The following ABI3BP variants were observed in gnomAD, a reference collection of about 807,000 sequenced individuals.
ABI3BP encodes target of Nesh-SH3.
In ABI3BP, 216 loss-of-function variants were observed where a neutral mutation model predicts 268.6. The ratio of observed to expected loss-of-function variants is 0.80; its 90% CI spans 0.72 to 0.90. The LOEUF is 0.90. Among genes scored for constraint, ABI3BP ranks in the 40% least tolerant of loss-of-function variants. The probability of loss-of-function intolerance (pLI) is 0.00; values close to 1 mark genes in which losing one functional copy is unlikely to be tolerated. For missense variants in ABI3BP, 2,090 were observed against 2,182.4 expected (o/e 0.96, Z 0.84); for synonymous variants, 730 against 730.0 (o/e 1.00, Z 0.00).
At chr3:100,911,959 T>C in intron 2 of ABI3BP, 1 of 936,702 alleles carries the variant, frequency 1.1e-6, no homozygotes, top group Non-Finnish European at 1.8e-6. Flanking sequence ...TTTACTTCAC[T>C]TGAGGAATTA....
In ABI3BP at chr3:100,841,194, C is replaced by CTTTTTTTTTTTTTTTTTTT. The variant is rs60261694; in HGVS notation, c.1766-355_1766-337dup. Among the ~76,000 whole-genome samples, 46 of 39,630 alleles carry CTTTTTTTTTTTTTTTTTTT rather than the reference C, an allele frequency of 1.2e-3. 5 individuals carry two copies. The highest frequency in any genetic ancestry group is 1.5e-3 in the Non-Finnish European group (34 of 23,312). 26.0% of individuals were successfully genotyped at this position (39,630 alleles called of 152,430 possible). A position where few individuals can be genotyped will look rare whatever the true frequency, so the allele number is the denominator to read the frequency against. On this transcript the variant is annotated intron_variant, in intron 21 of 67. Coordinates refer to ENST00000471714, the MANE Select transcript of ABI3BP (RefSeq NM_001375547.2). ...AATTGGCTAAGATGGCATTAGAACA[C>CTTTTTTTTTTTTTTTTTTT]TTTTTTTTTTTTTTTTTTTTTTTTT...
chr3:100,946,430 A>G (rs2072357186), intron 1 of ABI3BP, among the ~76,000 whole-genome samples: 1 of 152,002 alleles, frequency 6.6e-6, no homozygotes, highest in Non-Finnish European at 1.5e-5. Context: ...GTGATTCCAA[A>G]TTTATCCAGA....
intron 9 of ABI3BP, among the ~76,000 whole-genome samples, chr3:100,873,649 GGTTAT>G (rs1309116110): frequency 3.9e-5 from 6 of 152,068 alleles, no homozygotes; most frequent in Non-Finnish European, 8.8e-5. Flanking sequence ...AAAATATTTG[GGTTAT>G]ATCTTATTTA....
rs1251913171 is a variant in ABI3BP at position 100,813,707 on chromosome 3, C to T, written c.3318G>A (p.Leu1106=). Residue 1106 remains leucine (L), a synonymous_variant, in exon 45 of 68, where the codon TTG becomes TTA. Coordinates refer to ENST00000471714, the MANE Select transcript of ABI3BP (RefSeq NM_001375547.2). ...FALTELQTLI[L]KPVTSPSLEM... ...CTAGGCTTGGTGATGTCACTGGTTT[C>T]AAAATAAGAGTTTGCAGTTCAGTCA... is the stretch of plus-strand genomic sequence containing the variant. 1 of 1,535,148 alleles carries T rather than the reference C, an allele frequency of 6.5e-7. No individual in the cohort carries two copies. Among genetic ancestry groups the T allele is most frequent in the Non-Finnish European group, 8.7e-7 (1 of 1,146,426 alleles).
intron 14 of ABI3BP, among the ~76,000 whole-genome samples, chr3:100,854,561 T>C (rs1490114648): frequency 6.6e-6 from 1 of 152,238 alleles, no homozygotes; most frequent in Non-Finnish European, 1.5e-5. Context: ...AGCCAAGAGT[T>C]AAGGGTGAAC....
chr3:100,855,977 T>C (rs2098935285), intron 14 of ABI3BP, among the ~76,000 whole-genome samples: 2 of 152,204 alleles, frequency 1.3e-5, no homozygotes, highest in South Asian at 4.1e-4. Flanking sequence ...GAAATAAAAT[T>C]AAAGGCTGAA....
At position 100,850,639 on chromosome 3, in the gene ABI3BP, T is replaced by C. The variant is rs768507415; in HGVS notation, c.1426+21A>G. The C allele has an allele frequency of 5.1e-6, 8 of 1,578,046 alleles. No individual in the cohort carries two copies. The East Asian group carries it at 1.1e-4, about 22-fold the overall frequency. On this transcript the variant is annotated intron_variant, in intron 16 of 67. Transcript: ENST00000471714. The stretch of plus-strand genomic sequence containing the variant: ...TTTTTTGATGGAAAATAAAGTATGA[T>C]TTTTCTGTTAAAAACATTACCCAGT...
At chr3:100,865,409 C>T (rs1204349827) in intron 10 of ABI3BP, among the ~76,000 whole-genome samples, 1 of 152,110 alleles carries the variant, frequency 6.6e-6, no homozygotes, top group Non-Finnish European at 1.5e-5. Context: ...AATGAATATG[C>T]AAAGCTTGAA....
intron 55 of ABI3BP, among the ~76,000 whole-genome samples, chr3:100,792,316 AAGG>A (rs2097218233): frequency 6.6e-6 from 1 of 150,462 alleles, no homozygotes. Context: ...GAGAGAAGAG[AAGG>A]AGGAGGACCA....
At chr3:100,855,281 A>T (rs1480872342) in intron 14 of ABI3BP, among the ~76,000 whole-genome samples, 1 of 152,210 alleles carries the variant, frequency 6.6e-6, no homozygotes. Context: ...AACTGACTAG[A>T]TGCAAAGCCC....
At chr3:100,911,759 G>A (rs540289926) in intron 2 of ABI3BP, 46 of 989,668 alleles carry the variant, frequency 4.6e-5, no homozygotes, top group African/African-American at 1.6e-4. Context: ...GATGAGTAGC[G>A]TAGCTTTCTG....
intron 33 of ABI3BP, 61 bp from the exon 34 acceptor site, chr3:100,828,513 A>G: frequency 7.1e-7 from 1 of 1,413,878 alleles, no homozygotes; most frequent in South Asian, 1.3e-5. Flanking sequence ...AAAAACTCAG[A>G]ACATTCAAAA....
intron 1 of ABI3BP, among the ~76,000 whole-genome samples, chr3:100,939,918 C>T (rs1252332639): frequency 6.6e-6 from 1 of 152,050 alleles, no homozygotes; most frequent in Non-Finnish European, 1.5e-5. Flanking sequence ...CCCCCAGGCG[C>T]ATATTCTCTT....
At chr3:100,869,194 G>A (rs2099082637) in intron 9 of ABI3BP, among the ~76,000 whole-genome samples, 1 of 151,792 alleles carries the variant, frequency 6.6e-6, no homozygotes, top group African/African-American at 2.4e-5. Context: ...GTTCTTAGCT[G>A]GCAATCACAT....
intron 1 of ABI3BP, among the ~76,000 whole-genome samples, chr3:100,943,343 A>C (rs1367185198): frequency 6.6e-6 from 1 of 151,868 alleles, no homozygotes; most frequent in Non-Finnish European, 1.5e-5. Context: ...AGTACTCTTC[A>C]CCCCCAAACA....
At chr3:100,787,900 T>A in intron 56 of ABI3BP, 98 bp from the exon 57 acceptor site, 1 of 797,932 alleles carries the variant, frequency 1.3e-6, no homozygotes, top group Admixed American at 3.5e-5. Flanking sequence ...ATTTAGGCAA[T>A]AAAAAAGATG....
In ABI3BP at chr3:100,812,485, A is replaced by G; in HGVS notation, c.3403T>C (p.Ser1135Pro). The G allele has an allele frequency of 7.5e-7, 1 of 1,327,888 alleles. No individual in the cohort carries two copies. The highest frequency in any genetic ancestry group is 9.6e-7 in the Non-Finnish European group (1 of 1,040,510). The allele number at this position is 1,327,888 out of a possible 1,614,324, so 82.3% of individuals were successfully genotyped here. ...TTTTTACCTATGGTCTCCTTTGGTG[A>G]CTCAGTACTAAGTGTAACCGATTCC... is the stretch of plus-strand genomic sequence containing the variant. Reference protein sequence around the residue: ...VLESVTLSTESPKETIAPAKT... With the variant: ...VLESVTLSTEPPKETIAPAKT... Residue 1135 changes from serine (S) to proline (P), a missense_variant, in exon 46 of 68, where the codon TCA becomes CCA. By Grantham distance (74) the Ser-to-Pro change is moderately conservative (BLOSUM62 -1). Coordinates refer to ENST00000471714, the MANE Select transcript of ABI3BP (RefSeq NM_001375547.2).
chr3:100,847,652 G>A lies in ABI3BP; in HGVS notation c.1598C>T (p.Thr533Ile). The change falls in exon 19 of 68, where the codon ACA becomes ATA. Residue 533 changes from threonine (T) to isoleucine (I), a missense_variant. By Grantham distance (89) the Thr-to-Ile change is moderately conservative (BLOSUM62 -1). Coordinates refer to ENST00000471714, the MANE Select transcript of ABI3BP (RefSeq NM_001375547.2). ...TKPERTTSAG[T>I]ITPKISKSPE... ...GCTTTTAGAAATTTTAGGTGTAATT[G>A]TTCCGGCACTTGTGGTTCTTTCTGG... 2 of 1,613,600 alleles carry A rather than the reference G, an allele frequency of 1.2e-6. No individual in the cohort carries two copies. The highest frequency in any genetic ancestry group is 1.1e-5 in the South Asian group (1 of 91,082).
intron 2 of ABI3BP, among the ~76,000 whole-genome samples, chr3:100,912,919 T>C (rs1404412249): frequency 1.3e-5 from 2 of 152,158 alleles, no homozygotes; most frequent in Non-Finnish European, 2.9e-5. Flanking sequence ...ATCAGCTGCC[T>C]TTGCCTCTGC....
Sources: gnomAD v4.1 joint callset for allele counts (sites outside exome capture counted in the v4.1 genomes callset) on GRCh38, gnomAD v4.1.1 for gene constraint, MANE v1.5 for transcripts, NCBI Gene and HGNC (gene_info 2026-07-23, HGNC 2026-07-21) for gene names.